The following RIMS2 variants were observed in gnomAD, a reference collection of about 807,000 sequenced individuals.
The protein encoded by RIMS2 is regulating synaptic membrane exocytosis protein 2.
RIMS2 carries 59 observed loss-of-function variants against 174.4 expected under a neutral mutation model. The observed-to-expected ratio is 0.34, with a 90% CI of 0.27 to 0.42. The LOEUF (loss-of-function observed/expected upper bound fraction) is 0.42. RIMS2 is among the 10% of genes least tolerant of loss of function. RIMS2 has a pLI of 1.00. For synonymous variants in RIMS2, 606 were observed against 572.5 expected, an observed-to-expected ratio of 1.06 and a Z score of -0.84; for missense variants, 1,620 against 1,666.3, an observed-to-expected ratio of 0.97 and a Z score of 0.48.
intron 15 of RIMS2, among the ~76,000 whole-genome samples, chr8:103,962,956 T>A (rs2090634807): frequency 6.6e-6 from 1 of 152,210 alleles, no homozygotes; most frequent in African/African-American, 2.4e-5. Context: ...TCTGAAATTA[T>A]GGTATATGTA....
intron 3 of RIMS2, among the ~76,000 whole-genome samples, chr8:103,795,626 C>T (rs1325707497): frequency 6.6e-6 from 1 of 151,408 alleles, no homozygotes; most frequent in Admixed American, 6.6e-5. Flanking sequence ...AGAGGATAAG[C>T]CTGTATTTAT....
intron 1 of RIMS2, among the ~76,000 whole-genome samples, chr8:103,577,691 A>G (rs75836053): frequency 0.031 from 4,724 of 152,322 alleles, 221 homozygotes; most frequent in African/African-American, 0.1. Flanking sequence ...TATGAATGAA[A>G]ATAAATATTT....
downstream of RIMS2, chr8:104,256,030 C>T (rs966367110): frequency 2.0e-4 from 31 of 152,302 alleles, no homozygotes; most frequent in African/African-American, 6.7e-4. Flanking sequence ...AGGGCAGAGA[C>T]CGTATCTTCA....
intron 3 of RIMS2, among the ~76,000 whole-genome samples, chr8:103,856,788 A>G (rs916153527): frequency 6.6e-6 from 1 of 151,986 alleles, no homozygotes; most frequent in African/African-American, 2.4e-5. Context: ...AATAGTATAG[A>G]TAACTCAGTT....
intron 1 of RIMS2, among the ~76,000 whole-genome samples, chr8:103,586,295 C>G (rs527735156): frequency 3.9e-5 from 6 of 152,292 alleles, no homozygotes; most frequent in Admixed American, 2.6e-4. Context: ...GCAGAATACA[C>G]ATTCTTTTCA....
intron 1 of RIMS2, among the ~76,000 whole-genome samples, chr8:103,528,326 T>C (rs1234824854): frequency 1.3e-5 from 2 of 152,180 alleles, no homozygotes; most frequent in African/African-American, 2.4e-5. Context: ...AAAAATTTTC[T>C]TCCATTCTGT....
At chr8:104,066,299 C>T (rs1213102762) in intron 19 of RIMS2, among the ~76,000 whole-genome samples, 2 of 152,052 alleles carry the variant, frequency 1.3e-5, no homozygotes, top group Admixed American at 6.6e-5. Context: ...TATAGCTTTC[C>T]TAGGATGTTG....
At chr8:103,788,736 C>T (rs2098467472) in intron 3 of RIMS2, among the ~76,000 whole-genome samples, 1 of 152,122 alleles carries the variant, frequency 6.6e-6, no homozygotes, top group Non-Finnish European at 1.5e-5. Flanking sequence ...TTGTCTGTGC[C>T]CTGCCCCCAG....
At chr8:103,591,670 T>A (rs1365436244) in intron 1 of RIMS2, among the ~76,000 whole-genome samples, 1 of 151,190 alleles carries the variant, frequency 6.6e-6, no homozygotes, top group African/African-American at 2.4e-5. Context: ...TTAAACAAAA[T>A]TTTTTTCCTC....
chr8:103,813,886 A>C (rs1394340650), intron 3 of RIMS2, among the ~76,000 whole-genome samples: 1 of 152,166 alleles, frequency 6.6e-6, no homozygotes, highest in Non-Finnish European at 1.5e-5. Context: ...TCTTTATAGC[A>C]GCATGATTTA....
At chr8:103,622,080 T>C (rs2095648654) in intron 1 of RIMS2, among the ~76,000 whole-genome samples, 1 of 152,120 alleles carries the variant, frequency 6.6e-6, no homozygotes, top group African/African-American at 2.4e-5. Flanking sequence ...GAAAAATACA[T>C]TTCTAACAAT....
intron 1 of RIMS2, among the ~76,000 whole-genome samples, chr8:103,503,309 A>G (rs758164364): frequency 9.9e-5 from 15 of 151,892 alleles, no homozygotes; most frequent in Admixed American, 2.0e-4. Context: ...TTTTTTAACG[A>G]AAGAGTAGGC....
At chr8:103,618,712 C>T (rs2095561863) in intron 1 of RIMS2, among the ~76,000 whole-genome samples, 1 of 152,126 alleles carries the variant, frequency 6.6e-6, no homozygotes, top group South Asian at 2.1e-4. Context: ...CTGTCATCTT[C>T]ACACAGATGA....
At chr8:103,546,230 A>G (rs896364008) in intron 1 of RIMS2, among the ~76,000 whole-genome samples, 2 of 152,228 alleles carry the variant, frequency 1.3e-5, no homozygotes, top group Non-Finnish European at 2.9e-5. Flanking sequence ...AGGAGTTGCT[A>G]TTCTAATTTC....
intron 1 of RIMS2, among the ~76,000 whole-genome samples, chr8:103,651,215 G>A (rs868010264): frequency 3.9e-5 from 6 of 152,312 alleles, no homozygotes; most frequent in Middle Eastern, 3.4e-3. Flanking sequence ...CCTTTGCTCC[G>A]TGCTGCTCCC....
chr8:103,892,087 A>G (rs975605403), intron 4 of RIMS2, among the ~76,000 whole-genome samples: 1 of 152,090 alleles, frequency 6.6e-6, no homozygotes, highest in African/African-American at 2.4e-5. Context: ...GAAAATATTA[A>G]TTTATGGTAT....
At chr8:103,638,807 T>C (rs957780724) in intron 1 of RIMS2, among the ~76,000 whole-genome samples, 4 of 152,064 alleles carry the variant, frequency 2.6e-5, no homozygotes. Context: ...GGGATGTCAC[T>C]GTTTCTAGGC....
chr8:103,887,494 T>C (rs1382287489), intron 4 of RIMS2, among the ~76,000 whole-genome samples: 2 of 151,654 alleles, frequency 1.3e-5, no homozygotes, highest in Non-Finnish European at 3.0e-5. Context: ...TTTAACTGTA[T>C]ATTATCTCAT....
At chr8:104,136,772 GA>G (rs1366316221) in intron 19 of RIMS2, among the ~76,000 whole-genome samples, 2 of 152,098 alleles carry the variant, frequency 1.3e-5, no homozygotes, top group Non-Finnish European at 2.9e-5. Context: ...ACAGAGAGGG[GA>G]ACAAGACACA....
Sources: gnomAD v4.1 joint callset for allele counts (sites outside exome capture counted in the v4.1 genomes callset) on GRCh38, gnomAD v4.1.1 for gene constraint, MANE v1.5 for transcripts, NCBI Gene and HGNC (gene_info 2026-07-23, HGNC 2026-07-21) for gene names.